CCDC178: variants seen among roughly 807,000 people sequenced by gnomAD.
The protein encoded by CCDC178 is coiled-coil domain containing 178, also known as coiled-coil domain-containing protein 178.
CCDC178 carries 126 observed loss-of-function variants against 117.4 expected under a neutral mutation model. The ratio of observed to expected loss-of-function variants is 1.07; its 90% CI spans 0.93 to 1.24. CCDC178 has a LOEUF of 1.24. Ranked by LOEUF, CCDC178 falls within the 50% of genes most tolerant of loss-of-function variation. The pLI, the probability that CCDC178 is intolerant of heterozygous loss-of-function variation, is 0.00. For missense variants in CCDC178, 1,030 were observed against 986.9 expected (o/e 1.04, Z -0.59); for synonymous variants, 283 against 313.4 (o/e 0.90, Z 1.02).
intron 20 of CCDC178, among the ~76,000 whole-genome samples, chr18:33,115,767 C>T (rs188599468): frequency 6.6e-6 from 1 of 152,144 alleles, no homozygotes; most frequent in African/African-American, 2.4e-5. Context: ...TGCTCCTGCA[C>T]ATTCTGAGTC....
intron 22 of CCDC178, chr18:32,938,292 T>G: frequency 4.0e-6 from 2 of 496,782 alleles, no homozygotes; most frequent in Non-Finnish European, 7.1e-6. Context: ...GTTCTAAAAA[T>G]TAAAGTCCAA....
At chr18:33,358,815 T>C (rs2063091434) in intron 6 of CCDC178, among the ~76,000 whole-genome samples, 1 of 151,612 alleles carries the variant, frequency 6.6e-6, no homozygotes, top group Non-Finnish European at 1.5e-5. Context: ...AGTCACAAAC[T>C]GAGAGAAAGT....
chr18:33,407,078 T>C (rs527249274), intron 3 of CCDC178, among the ~76,000 whole-genome samples: 2 of 152,300 alleles, frequency 1.3e-5, no homozygotes, highest in South Asian at 2.1e-4. Context: ...TGGCTGCACA[T>C]ACATGCTTAA....
intron 22 of CCDC178, among the ~76,000 whole-genome samples, chr18:32,965,749 C>T (rs1439881051): frequency 6.6e-6 from 1 of 151,532 alleles, no homozygotes; most frequent in Non-Finnish European, 1.5e-5. Context: ...ACACTATAAT[C>T]ACCACTAATT....
At chr18:33,118,267 G>T in intron 20 of CCDC178, among the ~76,000 whole-genome samples, 1 of 151,972 alleles carries the variant, frequency 6.6e-6, no homozygotes, top group Non-Finnish European at 1.5e-5. Context: ...CCTCTAGACA[G>T]GGGACAGAGC....
At chr18:33,090,101 T>C (rs1298571790) in intron 21 of CCDC178, among the ~76,000 whole-genome samples, 1 of 152,134 alleles carries the variant, frequency 6.6e-6, no homozygotes, top group Non-Finnish European at 1.5e-5. Context: ...AGACAAAATA[T>C]TAACAGTAAG....
chr18:33,223,284 A>T, intron 17 of CCDC178, 65 bp from the exon 18 acceptor site: 4 of 1,467,876 alleles, frequency 2.7e-6, no homozygotes, highest in Non-Finnish European at 3.6e-6. Context: ...TTTAGGCCAA[A>T]TCGTACTTAA....
chr18:32,986,239 A>T (rs907359572), intron 21 of CCDC178, among the ~76,000 whole-genome samples: 1 of 152,068 alleles, frequency 6.6e-6, no homozygotes, highest in Non-Finnish European at 1.5e-5. Context: ...CCATGAGAGA[A>T]TCTGGAGAAC....
intron 22 of CCDC178, among the ~76,000 whole-genome samples, chr18:32,944,967 A>AT (rs201767763): frequency 1.4e-4 from 21 of 151,380 alleles, no homozygotes; most frequent in Non-Finnish European, 2.2e-4. Flanking sequence ...TTCATTAAAC[A>AT]TTTTTTTTTC....
chr18:33,407,071 CT>C (rs1305441042), intron 3 of CCDC178, among the ~76,000 whole-genome samples: 6 of 152,174 alleles, frequency 3.9e-5, no homozygotes, highest in African/African-American at 1.4e-4. Context: ...AGTCGCATGG[CT>C]GCACATACAT....
intron 6 of CCDC178, among the ~76,000 whole-genome samples, chr18:33,363,047 T>A (rs1289419605): frequency 6.6e-6 from 1 of 151,268 alleles, no homozygotes; most frequent in Non-Finnish European, 1.5e-5. Flanking sequence ...AAAAACTGGA[T>A]CCAGAATATA....
chr18:33,415,806 T>C (rs2063932254), intron 2 of CCDC178, among the ~76,000 whole-genome samples: 2 of 152,296 alleles, frequency 1.3e-5, no homozygotes, highest in South Asian at 4.1e-4. Context: ...TATTCCTTCC[T>C]GTAAGTACAA....
At chr18:33,036,393 A>G (rs2056445433) in intron 21 of CCDC178, among the ~76,000 whole-genome samples, 1 of 151,900 alleles carries the variant, frequency 6.6e-6, no homozygotes. Flanking sequence ...TTAAAAAGTG[A>G]TTAAGACATG....
At chr18:33,425,783 G>A (rs1372411863) in intron 2 of CCDC178, among the ~76,000 whole-genome samples, 1 of 152,160 alleles carries the variant, frequency 6.6e-6, no homozygotes, top group East Asian at 1.9e-4. Flanking sequence ...TGGGGCCGAG[G>A]AGAGAAGAGA....
intron 14 of CCDC178, among the ~76,000 whole-genome samples, chr18:33,254,251 A>AACAC (rs34689445): frequency 0.02 from 2,693 of 135,438 alleles, 30 homozygotes; most frequent in Non-Finnish European, 0.022. Flanking sequence ...TCTATTGAGA[A>AACAC]ACACACACAC....
chr18:33,338,275 T>G (rs1011455981), intron 9 of CCDC178, among the ~76,000 whole-genome samples: 3 of 152,080 alleles, frequency 2.0e-5, no homozygotes, highest in African/African-American at 7.2e-5. Context: ...ATGGATGCAG[T>G]GAAAAGGAAA....
chr18:33,386,640 C>G (rs1047084323), intron 5 of CCDC178, among the ~76,000 whole-genome samples: 2 of 152,108 alleles, frequency 1.3e-5, no homozygotes, highest in African/African-American at 4.8e-5. Flanking sequence ...TCAATAGATG[C>G]AGAAAAGGCC....
chr18:32,992,791 T>C (rs2055421539), intron 21 of CCDC178, among the ~76,000 whole-genome samples: 1 of 152,178 alleles, frequency 6.6e-6, no homozygotes, highest in Admixed American at 6.5e-5. Flanking sequence ...TATATACAGT[T>C]GTTATTTGAC....
At position 33,076,527 on chromosome 18, in the gene CCDC178, C is replaced by G. The variant is rs984293528; in HGVS notation, c.2388+16234G>C. ...GCACTCCGTATCTTCATTTGTTTTT[C>G]CAAATGTGTTGCCTTTCTCCTCTTT... On this transcript the variant is annotated intron_variant, in intron 21 of 22. Transcript: ENST00000383096. Among the ~76,000 whole-genome samples, 3 of 152,154 alleles carry G rather than the reference C, an allele frequency of 2.0e-5. No individual in the cohort carries two copies. In the East Asian group the frequency reaches 5.8e-4, roughly 29 times the overall value.
Sources: gnomAD v4.1 joint callset for allele counts (sites outside exome capture counted in the v4.1 genomes callset) on GRCh38, gnomAD v4.1.1 for gene constraint, MANE v1.5 for transcripts, NCBI Gene and HGNC (gene_info 2026-07-23, HGNC 2026-07-21) for gene names.